Variants in AP1G2 observed in about 807,000 individuals in gnomAD.
AP1G2 encodes the protein AP-1 complex subunit gamma-like 2.
In AP1G2, 85 loss-of-function variants were observed where a neutral mutation model predicts 95.8. The ratio of observed to expected loss-of-function variants is 0.89; its 90% confidence interval spans 0.74 to 1.06. The LOEUF (loss-of-function observed/expected upper bound fraction) is 1.06, where lower values mean the gene tolerates loss of function less well. Ranked by LOEUF, AP1G2 falls within the 50% of genes least tolerant of loss-of-function variation. AP1G2 has a pLI of 0.00. For synonymous variants in AP1G2, 378 were observed against 400.0 expected, an observed-to-expected ratio of 0.94 and a Z score of 0.66; for missense variants, 967 against 1,005.8, an observed-to-expected ratio of 0.96 and a Z score of 0.52.
intron 11 of AP1G2, 66 bp downstream of exon 11, chr14:23,563,980 C>T (rs1039460279): frequency 8.5e-5 from 137 of 1,607,594 alleles, no homozygotes; most frequent in Non-Finnish European, 1.0e-4. Flanking sequence ...TAAACTGGCT[C>T]GAGTCTTGGC....
chr14:23,561,085 G>A (rs1884330147), intron 19 of AP1G2: 1 of 1,296,766 alleles, frequency 7.7e-7, no homozygotes, highest in Non-Finnish European at 9.8e-7. Flanking sequence ...TGGGGAGGAA[G>A]CAGGGCCCTG....
Position 23,563,190 on chromosome 14 carries a change from C to T in AP1G2, c.1410+190G>A, listed in dbSNP as rs1053150971. 21 of 1,435,776 alleles carry T rather than the reference C, an allele frequency of 1.5e-5. No homozygotes were observed. The African/African-American group carries it at 2.6e-4, about 18-fold the overall frequency. The allele number at this position is 1,435,776 out of a possible 1,614,324, so 88.9% of individuals were successfully genotyped here. On this transcript the variant is annotated intron_variant, in intron 14 of 21. Transcript: ENST00000397120. The stretch of plus-strand genomic sequence containing the variant: ...AGTTAGTCATCTGTAGTTACATAAC[C>T]AGGAGGTACCAGAGTCAGGACAAAA...
In AP1G2 at chr14:23,565,801, C is replaced by A; in HGVS notation, c.645+15G>T. The A allele has an allele frequency of 6.3e-7, 1 of 1,589,406 alleles. No homozygotes were observed. Among genetic ancestry groups the A allele is most frequent in the South Asian group, 1.1e-5 (1 of 87,030 alleles). On this transcript the variant is annotated intron_variant, in intron 6 of 21. Transcript: ENST00000397120. ...CTGTCTTCCAGGCCCAGGGCCTGCC[C>A]CTTCACCAGCCCACCTTTCGGAAGT...
chr14:23,565,494 T>G, intron 7 of AP1G2, 112 bp downstream of exon 7: 1 of 972,606 alleles, frequency 1.0e-6, no homozygotes, highest in Admixed American at 2.1e-5. Context: ...CCTGCTACTC[T>G]GCTGCCCAGG....
At chr14:23,560,084 C>G in intron 20 of AP1G2, 48 bp from the exon 21 acceptor site, 3 of 1,441,582 alleles carry the variant, frequency 2.1e-6, no homozygotes, top group Non-Finnish European at 2.9e-6. Context: ...AGGTAGGGCT[C>G]AGGCAGCCCC....
Position 23,560,371 on chromosome 14 carries a change from T to G in AP1G2, c.2041A>C (p.Asn681His). 1 of 1,614,080 alleles carries G rather than the reference T, an allele frequency of 6.2e-7. No homozygotes were observed. Among genetic ancestry groups the G allele is most frequent in the Non-Finnish European group, 8.5e-7 (1 of 1,180,016 alleles). Residue 681 changes from asparagine (N) to histidine (H), a missense_variant, in exon 20 of 22, where the codon AAT becomes CAT. Physicochemically the swap from Asn to His is moderately conservative, Grantham distance 68 (BLOSUM62 1). Coordinates refer to ENST00000397120, the MANE Select transcript of AP1G2 (RefSeq NM_003917.5). ...TCAGGGGGTCGAATGAAAGACAGATTCAGCTGTACTCCCTCACGCTCAAAC... is the reference window on the plus strand; with the variant it reads ...TCAGGGGGTCGAATGAAAGACAGATGCAGCTGTACTCCCTCACGCTCAAAC... ...KVFEREGVQL[N>H]LSFIRPPENP...
At chr14:23,562,785 C>G (rs868100273) in intron 14 of AP1G2, 192 bp from the exon 15 acceptor site, 24 of 632,748 alleles carry the variant, frequency 3.8e-5, no homozygotes, top group Middle Eastern at 4.4e-4. Flanking sequence ...AGAAACACTG[C>G]TGGGCCAGTG....
chr14:23,566,714 A>C, intron 2 of AP1G2, 28 bp from the exon 3 acceptor site: 1 of 1,610,840 alleles, frequency 6.2e-7, no homozygotes, highest in Non-Finnish European at 8.5e-7. Context: ...GACCAGGAAG[A>C]GGCAGGGGTG....
chr14:23,561,708 C>T (rs972131026), intron 17 of AP1G2, 73 bp from the exon 18 acceptor site: 1 of 1,579,182 alleles, frequency 6.3e-7, no homozygotes, highest in Non-Finnish European at 8.6e-7. Context: ...AGGATGAGGA[C>T]TAGGAATATG....
chr14:23,562,588 T>A lies in AP1G2; in HGVS notation c.1416A>T (p.Pro472=). The A allele has an allele frequency of 2.5e-6, 4 of 1,613,842 alleles. No homozygotes were observed. Among genetic ancestry groups the A allele is most frequent in the Non-Finnish European group, 3.4e-6 (4 of 1,179,872 alleles). ...NALAEDISQQ[P]LVQVAAWCIG... is the part of the protein sequence containing the mutation. ...TGCACCAGGCTGCCACCTGCACCAGTGGTTGCTACATGGGATAAGAAACTG... is the reference window on the plus strand; with the variant it reads ...TGCACCAGGCTGCCACCTGCACCAGAGGTTGCTACATGGGATAAGAAACTG... Residue 472 remains proline (P), a synonymous_variant, in exon 15 of 22, where the codon CCA becomes CCT. Coordinates refer to ENST00000397120, the MANE Select transcript of AP1G2 (RefSeq NM_003917.5).
chr14:23,565,487 G>T, intron 7 of AP1G2, 119 bp downstream of exon 7: 1 of 910,440 alleles, frequency 1.1e-6, no homozygotes, highest in Non-Finnish European at 1.7e-6. Flanking sequence ...TCCTGTGCCT[G>T]CTACTCTGCT....
intron 2 of AP1G2, 115 bp downstream of exon 2, chr14:23,566,996 G>A: frequency 8.5e-7 from 1 of 1,176,616 alleles, no homozygotes; most frequent in East Asian, 2.6e-5. Context: ...TGCAGGCTGT[G>A]AAGACTCTGA....
Position 23,565,832 on chromosome 14 carries a change from AG to A in AP1G2, c.628del (p.Leu210SerfsTer19). ...TELCERSPAA[L>X]RHFRKVVPQL... is the part of the protein sequence containing the mutation. ...CCAGCCCACCTTTCGGAAGTGCCTG[AG>A]GGCTGCAGGGCTTCGTTCGCAGAGC... is the stretch of plus-strand genomic sequence containing the variant. On this transcript the variant is annotated frameshift_variant, in exon 6 of 22. Coordinates refer to ENST00000397120, the MANE Select transcript of AP1G2 (RefSeq NM_003917.5). LOFTEE classifies it high-confidence loss of function. 6.3e-7 allele frequency: 1 copy of A among 1,576,426 alleles called. No individual in the cohort carries two copies.
Position 23,563,862 on chromosome 14 carries a change from A to C in AP1G2, c.1092-6T>G. 4 of 1,612,740 alleles carry C rather than the reference A, an allele frequency of 2.5e-6. No individual in the cohort carries two copies. The highest frequency in any genetic ancestry group is 2.5e-6 in the Non-Finnish European group (3 of 1,179,122). On this transcript the variant is annotated splice_region_variant and splice_polypyrimidine_tract_variant and intron_variant, in intron 11 of 21. Transcript: ENST00000397120. ...GGCTTAGTTCCAGGGCTCTCCTGGC[A>C]GGAGAAAGAGGTTTCCATGCAGGTA...
At position 23,565,108 on chromosome 14, in the gene AP1G2, C is replaced by A. The variant is rs1422530962; in HGVS notation, c.822+11G>T. 1 of 1,613,920 alleles carries A rather than the reference C, an allele frequency of 6.2e-7. No homozygotes were observed. The highest frequency in any genetic ancestry group is 8.5e-7 in the Non-Finnish European group (1 of 1,179,866). ...AGCAACACAGCTAACCAGTGCCCTC[C>A]CAGGCCCCACCTGGGCCAGCAAGTC... On this transcript the variant is annotated intron_variant, in intron 8 of 21. Coordinates refer to ENST00000397120, the MANE Select transcript of AP1G2 (RefSeq NM_003917.5).
rs909084281 is a variant in AP1G2, at chr14:23,566,885, G to A, written c.205-199C>T. On this transcript the variant is annotated intron_variant, in intron 2 of 21. Coordinates refer to ENST00000397120, the MANE Select transcript of AP1G2 (RefSeq NM_003917.5). Reference sequence around the variant, plus strand: ...CTAGGAGTTGAGGAGGATGGGAGCGGAGAGGAGGAGATGCCTGCCCTAAAG... The same window carrying A: ...CTAGGAGTTGAGGAGGATGGGAGCGAAGAGGAGGAGATGCCTGCCCTAAAG... 15 of 912,662 alleles carry A rather than the reference G, an allele frequency of 1.6e-5. No homozygotes were observed. In the African/African-American group the frequency reaches 2.0e-4, roughly 12 times the overall value. 56.5% of individuals were successfully genotyped at this position (912,662 alleles called of 1,614,324 possible). A position where few individuals can be genotyped will look rare whatever the true frequency, so the allele number is the denominator to read the frequency against.
At position 23,565,663 on chromosome 14, in the gene AP1G2, C is replaced by G. The variant is rs1349016767; in HGVS notation, c.684G>C (p.Val228=). ...PQLVHILRTL[V]TMGYSTEHSI... ...TGTGTTCTGTGGAGTATCCCATTGT[C>G]ACCAGAGTCCGGAGGATGTGTACCA... Residue 228 remains valine, a synonymous_variant, in exon 7 of 22, where the codon GTG becomes GTC. Transcript: ENST00000397120. 3 of 1,614,076 alleles carry G rather than the reference C, an allele frequency of 1.9e-6. No individual in the cohort carries two copies. The highest frequency in any genetic ancestry group is 2.5e-6 in the Non-Finnish European group (3 of 1,180,028).
chr14:23,566,288 A>C lies in AP1G2; in HGVS notation c.461T>G (p.Val154Gly), dbSNP rs777483154. The C allele has an allele frequency of 6.8e-6, 11 of 1,613,902 alleles. No individual in the cohort carries two copies. The South Asian group carries it at 1.1e-4, about 16-fold the overall frequency. ...GTCCCGCCATCTCACCTTCTTGCGC[A>C]CGTAGGGACTGGGCTGCAGGAGCAG... is the stretch of plus-strand genomic sequence containing the variant. ...EKLLLQPSPY[V>G]RKKAILTAVH... Residue 154 changes from valine to glycine, a missense_variant, in exon 4 of 22, where the codon GTG (valine) becomes GGG (glycine). By Grantham distance (109) the Val-to-Gly change is moderately radical. Coordinates refer to ENST00000397120, the MANE Select transcript of AP1G2 (RefSeq NM_003917.5).
chr14:23,567,626 CT>C lies in AP1G2; in HGVS notation c.-6+112del, dbSNP rs78717133. On this transcript the variant is annotated intron_variant, in intron 1 of 21. Transcript: ENST00000397120. The surrounding 1 kb of genome is among the most constrained non-coding windows in gnomAD (Gnocchi z 5.3). Reference sequence around the variant, plus strand: ...TACCCCATCCCTAGCTCAGCCATTGCTTTTTTTTCCACGACCCTCCGCTGTT... The same window carrying C: ...TACCCCATCCCTAGCTCAGCCATTGCTTTTTTTCCACGACCCTCCGCTGTT... 561 of 1,144,550 alleles carry C rather than the reference CT, an allele frequency of 4.9e-4. 7 individuals carry two copies. The East Asian group carries it at 0.015, about 30-fold the overall frequency. The allele number at this position is 1,144,550 out of a possible 1,614,324, so 70.9% of individuals were successfully genotyped here.
Sources: allele counts gnomAD v4.1 joint callset, GRCh38; gene constraint gnomAD v4.1.1; non-coding constraint Gnocchi (gnomAD v3.1); transcripts MANE v1.5; gene names NCBI Gene and HGNC (gene_info 2026-07-23, HGNC 2026-07-21).